MYO16: variants seen among roughly 807,000 people sequenced by gnomAD.
The protein encoded by MYO16 is myosin XVI.
Under a neutral mutation model 205.3 loss-of-function variants are expected in MYO16, and 94 were observed. The observed-to-expected ratio is 0.46, with a 90% CI of 0.39 to 0.54. The LOEUF (loss-of-function observed/expected upper bound fraction) is 0.54, where lower values mean the gene tolerates loss of function less well. Among genes scored for constraint, MYO16 ranks in the 20% least tolerant of loss-of-function variants. The pLI is 0.00. For synonymous variants in MYO16, 988 were observed against 954.0 expected, an observed-to-expected ratio of 1.04 and a Z score of -0.66; for missense variants, 2,315 against 2,387.5, an observed-to-expected ratio of 0.97 and a Z score of 0.63.
intron 4 of MYO16, among the ~76,000 whole-genome samples, chr13:108,758,048 G>C (rs1363457135): frequency 6.6e-6 from 1 of 152,136 alleles, no homozygotes. Flanking sequence ...CCCTCATACA[G>C]AGACTACAGA....
the MYO16 span, among the ~76,000 whole-genome samples, chr13:108,570,834 C>T: frequency 3.9e-5 from 6 of 152,298 alleles, no homozygotes; most frequent in Admixed American, 3.9e-4. Flanking sequence ...TCTTTGCTGG[C>T]CATGCTATGC....
chr13:108,632,177 G>C (rs74577866), intron 1 of MYO16, among the ~76,000 whole-genome samples: 1 of 151,666 alleles, frequency 6.6e-6, no homozygotes, highest in Non-Finnish European at 1.5e-5. Context: ...TTCCTGATGC[G>C]TAAGATTTTC....
At chr13:109,185,212 A>C (rs1879632514) in intron 34 of MYO16, among the ~76,000 whole-genome samples, 1 of 152,240 alleles carries the variant, frequency 6.6e-6, no homozygotes, top group Admixed American at 6.5e-5. Context: ...TATAAATTCT[A>C]GGTAACAACA....
At chr13:109,154,975 A>AT (rs923950999) in intron 32 of MYO16, among the ~76,000 whole-genome samples, 15 of 145,806 alleles carry the variant, frequency 1.0e-4, no homozygotes, top group African/African-American at 1.5e-4. Flanking sequence ...GATTGAAGTG[A>AT]TTTTTTCCCC....
intron 9 of MYO16, among the ~76,000 whole-genome samples, chr13:108,830,639 T>C (rs1456389642): frequency 6.8e-6 from 1 of 146,454 alleles, no homozygotes; most frequent in Non-Finnish European, 1.5e-5. Flanking sequence ...AGGGATAGTA[T>C]TGGGAGATAT....
intron 3 of MYO16, among the ~76,000 whole-genome samples, chr13:108,716,910 A>T (rs929253710): frequency 6.6e-6 from 1 of 152,216 alleles, no homozygotes; most frequent in Non-Finnish European, 1.5e-5. Context: ...ATCTGAATTA[A>T]TCTTTTTACC....
chr13:108,632,941 G>T (rs900392968), intron 1 of MYO16, among the ~76,000 whole-genome samples: 3 of 152,280 alleles, frequency 2.0e-5, no homozygotes, highest in African/African-American at 7.2e-5. Context: ...TGAAGCGGAG[G>T]CTTGAGGTCT....
At chr13:108,761,448 G>A (rs1885605929) in intron 4 of MYO16, among the ~76,000 whole-genome samples, 2 of 139,746 alleles carry the variant, frequency 1.4e-5, no homozygotes, top group African/African-American at 2.6e-5. Context: ...GTGAAGCCGA[G>A]GGGGGAGAAG....
chr13:108,883,293 T>C (rs1879709201), intron 13 of MYO16, 107 bp downstream of exon 13: 1 of 1,369,646 alleles, frequency 7.3e-7, no homozygotes, highest in Admixed American at 2.2e-5. Flanking sequence ...TCTCAGCACC[T>C]TGAGGTCCAG....
At position 109,207,003 on chromosome 13, in the gene MYO16, TG is replaced by T; in HGVS notation, c.*168del. Reference sequence around the variant, plus strand: ...ATGAGATCCCGTGTGTGTGTGTGTGTGTTTGTGTGTGTGTGTGTGGGTTCTT... The same window carrying T: ...ATGAGATCCCGTGTGTGTGTGTGTGTTTTGTGTGTGTGTGTGTGGGTTCTT... On this transcript the variant is annotated 3_prime_UTR_variant, in exon 35 of 35. Coordinates refer to ENST00000457511, the MANE Select transcript of MYO16 (RefSeq NM_001198950.3). 3 of 318,790 alleles carry T rather than the reference TG, an allele frequency of 9.4e-6. No individual in the cohort carries two copies. The highest frequency in any genetic ancestry group is 4.0e-5 in the South Asian group (1 of 25,086). The allele number at this position is 318,790 out of a possible 1,614,324, so 19.7% of individuals were successfully genotyped here. A position where few individuals can be genotyped will look rare whatever the true frequency, so the allele number is the denominator to read the frequency against.
At chr13:108,990,122 A>G (rs1884776845) in intron 20 of MYO16, among the ~76,000 whole-genome samples, 1 of 151,012 alleles carries the variant, frequency 6.6e-6, no homozygotes, top group South Asian at 2.1e-4. Flanking sequence ...TTTAAGAAAA[A>G]TGATGCAGCT....
chr13:109,175,542 G>A (rs924489124), intron 33 of MYO16, among the ~76,000 whole-genome samples: 1 of 152,224 alleles, frequency 6.6e-6, no homozygotes, highest in Non-Finnish European at 1.5e-5. Flanking sequence ...CTGTCATTTG[G>A]GCAAGAATGG....
At chr13:108,635,456 A>C (rs1880179491) in intron 1 of MYO16, among the ~76,000 whole-genome samples, 1 of 152,076 alleles carries the variant, frequency 6.6e-6, no homozygotes, top group African/African-American at 2.4e-5. Context: ...TATGTAAGGA[A>C]ATATTAATGT....
intron 5 of MYO16, among the ~76,000 whole-genome samples, chr13:108,788,831 G>A (rs1407537140): frequency 3.3e-5 from 5 of 151,974 alleles, no homozygotes; most frequent in Admixed American, 6.6e-5. Flanking sequence ...ACTCTCTTAG[G>A]AACAGTCTCT....
At chr13:109,121,131 C>T (rs1875971248) in intron 29 of MYO16, among the ~76,000 whole-genome samples, 1 of 152,172 alleles carries the variant, frequency 6.6e-6, no homozygotes, top group South Asian at 2.1e-4. Context: ...AGTCTCTGTT[C>T]AGATTTTAAC....
intron 28 of MYO16, among the ~76,000 whole-genome samples, chr13:109,112,521 C>T (rs1391849688): frequency 6.6e-6 from 1 of 151,942 alleles, no homozygotes; most frequent in Non-Finnish European, 1.5e-5. Context: ...TTTGGGAGGC[C>T]GAGGCAGGTG....
Position 109,019,775 on chromosome 13 carries a change from A to G in MYO16, c.2660A>G (p.Asn887Ser), listed in dbSNP as rs1470071047. ...ESQMIWSVES[N>S]FPKKLQSLLE... Reference sequence around the variant, plus strand: ...CAAATGATTTGGTCAGTGGAATCAAATTTTCCAAAAAAACTACAAAGTCTC... The same window carrying G: ...CAAATGATTTGGTCAGTGGAATCAAGTTTTCCAAAAAAACTACAAAGTCTC... The change falls in exon 23 of 35, where the codon AAT (asparagine) becomes AGT (serine). Residue 887 changes from asparagine to serine, a missense_variant. Transcript: ENST00000457511. 1.2e-6 allele frequency: 2 copies of G among 1,614,002 alleles called. No individual in the cohort carries two copies. The highest frequency in any genetic ancestry group is 1.1e-5 in the South Asian group (1 of 91,082).
At chr13:109,155,730 G>C (rs1334583609) in intron 32 of MYO16, among the ~76,000 whole-genome samples, 3 of 152,148 alleles carry the variant, frequency 2.0e-5, no homozygotes, top group African/African-American at 7.2e-5. Flanking sequence ...AAGGCAATTA[G>C]AATTGTGCTG....
At chr13:109,173,885 C>A (rs9583342) in intron 33 of MYO16, among the ~76,000 whole-genome samples, 2 of 37,968 alleles carry the variant, frequency 5.3e-5, no homozygotes, top group Non-Finnish European at 7.1e-5. Context: ...GAGACTCCAT[C>A]TCAAAAAAAA....
Sources: allele counts gnomAD v4.1 joint callset (sites outside exome capture counted in the v4.1 genomes callset), GRCh38; gene constraint gnomAD v4.1.1; transcripts MANE v1.5; gene names NCBI Gene and HGNC (gene_info 2026-07-23, HGNC 2026-07-21).